The following AGK variants were observed in gnomAD, a reference collection of about 807,000 sequenced individuals.
The protein encoded by AGK is acylglycerol kinase, mitochondrial.
A neutral mutation model predicts 66.4 loss-of-function variants in AGK; 52 were observed. The observed-to-expected ratio is 0.78, with a 90% confidence interval of 0.63 to 0.99. The LOEUF (loss-of-function observed/expected upper bound fraction) is 0.99, where lower values mean the gene tolerates loss of function less well. Among genes scored for constraint, AGK ranks in the 50% least tolerant of loss-of-function variants. The probability of loss-of-function intolerance (pLI) is 0.00; values close to 1 mark genes in which losing one functional copy is unlikely to be tolerated. For synonymous variants in AGK, 182 were observed against 181.1 expected (o/e 1.00, Z -0.04); for missense variants, 451 against 506.6 (o/e 0.89, Z 1.05).
At position 141,654,057 on chromosome 7, in the gene AGK, A is replaced by ATGATGTAATC. The variant is rs1377888680; in HGVS notation, c.*1134_*1135insGATGTAATCT. 1.1e-4 allele frequency: 16 copies of ATGATGTAATC among 152,158 alleles called. No homozygotes were observed. The highest frequency in any genetic ancestry group is 3.9e-4 in the African/African-American group (16 of 41,432). 9.4% of individuals were successfully genotyped at this position (152,158 alleles called of 1,614,324 possible). Reference sequence around the variant, plus strand: ...CCACTTTTCAGCCAAGAATCCTATCATAATGTAATCTATTATGCCCGACAT... The same window carrying ATGATGTAATC: ...CCACTTTTCAGCCAAGAATCCTATCATGATGTAATCTAATGTAATCTATTATGCCCGACAT... On this transcript the variant is annotated 3_prime_UTR_variant, in exon 16 of 16. Coordinates refer to ENST00000649286, the MANE Select transcript of AGK (RefSeq NM_018238.4).
chr7:141,590,266 C>G (rs892528995), intron 2 of AGK, among the ~76,000 whole-genome samples: 10 of 152,100 alleles, frequency 6.6e-5, no homozygotes, highest in African/African-American at 2.4e-4. Flanking sequence ...GAGCCTGTTG[C>G]CTTTTGGAGA....
Position 141,565,046 on chromosome 7 carries a change from C to T in AGK, c.101+9479C>T, listed in dbSNP as rs890536729. Among the ~76,000 whole-genome samples, 13 of 152,266 alleles carry T rather than the reference C, an allele frequency of 8.5e-5. No individual in the cohort carries two copies. In the South Asian group the frequency reaches 1.2e-3, roughly 15 times the overall value. ...CAGCCTCCTTTGTTACTCTTCTCTGCCCTTCTACTCAGACATTAGAGGAGT... is the reference window on the plus strand; with the variant it reads ...CAGCCTCCTTTGTTACTCTTCTCTGTCCTTCTACTCAGACATTAGAGGAGT... On this transcript the variant is annotated intron_variant, in intron 2 of 15. Coordinates refer to ENST00000649286, the MANE Select transcript of AGK (RefSeq NM_018238.4).
At chr7:141,643,783 CAG>C (rs1797342549) in intron 13 of AGK, among the ~76,000 whole-genome samples, 2 of 151,980 alleles carry the variant, frequency 1.3e-5, no homozygotes, top group African/African-American at 2.4e-5. Flanking sequence ...GGTAAGGAGA[CAG>C]AGTGATTTCA....
At chr7:141,644,671 A>G (rs1587167504) in intron 13 of AGK, among the ~76,000 whole-genome samples, 1 of 152,176 alleles carries the variant, frequency 6.6e-6, no homozygotes, top group Admixed American at 6.5e-5. Flanking sequence ...ATTATTTTCT[A>G]TCTATTGACA....
At chr7:141,635,885 A>G (rs530999813) in intron 10 of AGK, among the ~76,000 whole-genome samples, 1 of 152,320 alleles carries the variant, frequency 6.6e-6, no homozygotes, top group South Asian at 2.1e-4. Flanking sequence ...TTCTCAAATC[A>G]TAAGCTCTCA....
intron 8 of AGK, among the ~76,000 whole-genome samples, chr7:141,620,775 G>A (rs112653278): frequency 8.5e-5 from 13 of 152,250 alleles, no homozygotes; most frequent in Non-Finnish European, 1.3e-4. Context: ...GAGAAAAATC[G>A]CCTTATACTT....
intron 1 of AGK, among the ~76,000 whole-genome samples, chr7:141,552,119 C>G (rs1256692621): frequency 1.3e-5 from 2 of 152,220 alleles, no homozygotes; most frequent in Non-Finnish European, 2.9e-5. Context: ...CTAAAGCTTT[C>G]CAAATCCATC....
chr7:141,596,503 A>G, intron 3 of AGK, 59 bp from the exon 4 acceptor site: 2 of 1,452,188 alleles, frequency 1.4e-6, no homozygotes, highest in Non-Finnish European at 9.7e-7. Context: ...GAAAGAATAC[A>G]TGTGACATTT....
chr7:141,601,032 T>C (rs1796329086), intron 4 of AGK, among the ~76,000 whole-genome samples, 173 bp from the exon 5 acceptor site: 1 of 152,198 alleles, frequency 6.6e-6, no homozygotes, highest in South Asian at 2.1e-4. Context: ...AGGTTCTATT[T>C]TTCCATTCAT....
At chr7:141,580,357 C>T (rs1321193615) in intron 2 of AGK, among the ~76,000 whole-genome samples, 1 of 151,844 alleles carries the variant, frequency 6.6e-6, no homozygotes, top group Non-Finnish European at 1.5e-5. Flanking sequence ...CCTGGTAGAA[C>T]TGCCATCAAT....
At chr7:141,599,851 G>T (rs1388284133) in intron 4 of AGK, among the ~76,000 whole-genome samples, 2 of 152,112 alleles carry the variant, frequency 1.3e-5, no homozygotes, top group Admixed American at 1.3e-4. Context: ...TATTTAATTT[G>T]CTTATAATAC....
chr7:141,650,849 C>T (rs967523955), intron 14 of AGK, among the ~76,000 whole-genome samples: 1 of 152,168 alleles, frequency 6.6e-6, no homozygotes, highest in African/African-American at 2.4e-5. Flanking sequence ...ACGGTATTTG[C>T]ATAGACTTAG....
chr7:141,572,935 G>T (rs546784411), intron 2 of AGK, among the ~76,000 whole-genome samples: 1 of 152,204 alleles, frequency 6.6e-6, no homozygotes, highest in East Asian at 1.9e-4. Context: ...TATCTTTGGG[G>T]TTTCTGACAA....
chr7:141,562,253 C>G, intron 2 of AGK: 4 of 448,194 alleles, frequency 8.9e-6, no homozygotes, highest in South Asian at 4.8e-5. Flanking sequence ...CAGTGTTACT[C>G]TGTCATGAGT....
chr7:141,642,052 G>A, intron 13 of AGK, 144 bp downstream of exon 13: 1 of 743,764 alleles, frequency 1.3e-6, no homozygotes, highest in Non-Finnish European at 2.2e-6. Context: ...GATGTGGTGT[G>A]CCTTTAAGGA....
intron 13 of AGK, chr7:141,649,061 T>C: frequency 2.5e-6 from 1 of 400,792 alleles, no homozygotes; most frequent in East Asian, 3.7e-5. Context: ...GAGATGAATT[T>C]TCTATAAATT....
Position 141,555,113 on chromosome 7 carries a change from G to A in AGK, c.-14-340G>A, listed in dbSNP as rs550326973. 8.5e-5 allele frequency among the ~76,000 whole-genome samples: 13 copies of A among 152,236 alleles called. No individual in the cohort carries two copies. Among genetic ancestry groups the A allele is most frequent in the Non-Finnish European group, 1.9e-4 (13 of 68,024 alleles). ...CTGTAAGGAGTTAGAAAAACCAGAG[G>A]AAGCCTGGAATTCCCTTCCTCTCTT... On this transcript the variant is annotated intron_variant, in intron 1 of 15. Coordinates refer to ENST00000649286, the MANE Select transcript of AGK (RefSeq NM_018238.4). This position sits in a 1 kb window ranked among gnomAD's most constrained non-coding sequence, Gnocchi z 4.2.
intron 5 of AGK, among the ~76,000 whole-genome samples, chr7:141,609,178 C>G (rs527604597): frequency 1.2e-4 from 18 of 152,216 alleles, no homozygotes; most frequent in Middle Eastern, 6.8e-3. Context: ...ATGCTGGAGT[C>G]TTTTCTTGCA....
intron 5 of AGK, among the ~76,000 whole-genome samples, chr7:141,604,622 T>C (rs35383427): frequency 0.034 from 4,945 of 146,830 alleles, 139 homozygotes; most frequent in South Asian, 0.14. Context: ...TCTCACTCTG[T>C]CACCAGGCTG....
Sources: gnomAD v4.1 joint callset for allele counts (sites outside exome capture counted in the v4.1 genomes callset) on GRCh38, gnomAD v4.1.1 for gene constraint, Gnocchi (gnomAD v3.1) non-coding constraint, MANE v1.5 for transcripts, NCBI Gene and HGNC (gene_info 2026-07-23, HGNC 2026-07-21) for gene names.